Variants in ZFAND4 observed in about 807,000 individuals in gnomAD.
ZFAND4 encodes zinc finger AN1-type containing 4, also known as AN1-type zinc finger protein 4.
Under a neutral mutation model 64.4 loss-of-function variants are expected in ZFAND4, and 43 were observed. The observed-to-expected ratio is 0.67, with a 90% CI of 0.52 to 0.86. The LOEUF (loss-of-function observed/expected upper bound fraction) is 0.86, where lower values mean the gene tolerates loss of function less well. Ranked by LOEUF, ZFAND4 falls within the 40% of genes least tolerant of loss-of-function variation. The probability of loss-of-function intolerance (pLI) is 0.00; values close to 1 mark genes in which losing one functional copy is unlikely to be tolerated. For synonymous variants in ZFAND4, 296 were observed against 305.7 expected (o/e 0.97, Z 0.33); for missense variants, 929 against 859.8 (o/e 1.08, Z -1.01).
chr10:45,624,663 T>C lies in ZFAND4; in HGVS notation c.1873-26A>G, dbSNP rs1341758112. On this transcript the variant is annotated intron_variant, in intron 7 of 9. Coordinates refer to ENST00000344646, the MANE Select transcript of ZFAND4 (RefSeq NM_174890.4). Reference sequence around the variant, plus strand: ...CTACAATTAAAACACAAAACATCTATAGAGGTGAGTCAATGAAGAATAGAA... The same window carrying C: ...CTACAATTAAAACACAAAACATCTACAGAGGTGAGTCAATGAAGAATAGAA... The C allele has an allele frequency of 3.8e-6, 6 of 1,584,220 alleles. No individual in the cohort carries two copies. The South Asian group carries it at 5.6e-5, about 15-fold the overall frequency.
chr10:45,620,823 A>C (rs763620433), intron 8 of ZFAND4: 1 of 152,240 alleles, frequency 6.6e-6, no homozygotes, highest in African/African-American at 2.4e-5. Context: ...AATCTCTTCT[A>C]AAGTAAACTC....
intron 2 of ZFAND4, among the ~76,000 whole-genome samples, chr10:45,655,917 C>T (rs1298334373): frequency 2.0e-5 from 3 of 152,174 alleles, no homozygotes; most frequent in Non-Finnish European, 4.4e-5. Flanking sequence ...GATTCACAGA[C>T]AAATTCTACC....
intron 2 of ZFAND4, among the ~76,000 whole-genome samples, chr10:45,653,565 A>T (rs990631404): frequency 2.0e-5 from 3 of 152,238 alleles, no homozygotes; most frequent in Non-Finnish European, 4.4e-5. Context: ...AAATATATTT[A>T]AAAAGCTCAA....
intron 6 of ZFAND4, among the ~76,000 whole-genome samples, chr10:45,631,910 CAAAT>C (rs2046249968): frequency 6.6e-6 from 1 of 151,858 alleles, no homozygotes; most frequent in Non-Finnish European, 1.5e-5. Context: ...ATGGTAAAAA[CAAAT>C]AAAAATGTTA....
At chr10:45,662,173 C>T (rs2048524652) in intron 2 of ZFAND4, among the ~76,000 whole-genome samples, 1 of 152,154 alleles carries the variant, frequency 6.6e-6, no homozygotes, top group Non-Finnish European at 1.5e-5. Flanking sequence ...TATTTAATTT[C>T]CTAATATCTG....
At chr10:45,630,589 G>A (rs577617732) in intron 6 of ZFAND4, among the ~76,000 whole-genome samples, 6 of 152,036 alleles carry the variant, frequency 3.9e-5, no homozygotes, top group South Asian at 2.1e-4. Context: ...TTAGCCGGGC[G>A]TGGTGGCAGG....
At chr10:45,657,183 T>A (rs754777706) in intron 2 of ZFAND4, among the ~76,000 whole-genome samples, 1 of 151,850 alleles carries the variant, frequency 6.6e-6, no homozygotes, top group African/African-American at 2.4e-5. Context: ...CCAGAAAAAA[T>A]TTTTGTATTT....
Position 45,656,211 on chromosome 10 carries a change from G to A in ZFAND4, c.185-3152C>T, listed in dbSNP as rs546985738. 1.2e-3 allele frequency among the ~76,000 whole-genome samples: 187 copies of A among 150,482 alleles called. 2 individuals carry two copies. Among genetic ancestry groups the A allele is most frequent in the Non-Finnish European group, 1.7e-3 (113 of 67,744 alleles). On this transcript the variant is annotated intron_variant, in intron 2 of 9. Coordinates refer to ENST00000344646, the MANE Select transcript of ZFAND4 (RefSeq NM_174890.4). ...GCACCACTGCACTCCAGCCTTGACA[G>A]AGCAAGACTCCGTTTCTAAAAAGAA...
chr10:45,625,504 A>T (rs1352360582), intron 7 of ZFAND4, among the ~76,000 whole-genome samples: 1 of 150,738 alleles, frequency 6.6e-6, no homozygotes, highest in Non-Finnish European at 1.5e-5. Context: ...AGGGAGAGAG[A>T]GAGTGAAATT....
intron 5 of ZFAND4, chr10:45,640,537 C>T (rs940189118): frequency 4.1e-6 from 3 of 730,132 alleles, no homozygotes; most frequent in Non-Finnish European, 5.5e-6. Flanking sequence ...TGTCGCCAGG[C>T]TGGAGTGCAA....
intron 6 of ZFAND4, among the ~76,000 whole-genome samples, chr10:45,638,145 C>T (rs1320432719): frequency 6.6e-6 from 1 of 151,976 alleles, no homozygotes; most frequent in Non-Finnish European, 1.5e-5. Flanking sequence ...GTGGCATAAA[C>T]TAGAACTCTC....
chr10:45,621,524 C>T (rs1346201473), intron 8 of ZFAND4, among the ~76,000 whole-genome samples: 3 of 151,708 alleles, frequency 2.0e-5, no homozygotes, highest in Non-Finnish European at 1.5e-5. Flanking sequence ...GGGCGGATCC[C>T]GACGTCAGGA....
chr10:45,652,862 C>G, intron 3 of ZFAND4, 122 bp downstream of exon 3: 1 of 684,236 alleles, frequency 1.5e-6, no homozygotes, highest in Non-Finnish European at 2.4e-6. Flanking sequence ...ATAATGAAAT[C>G]TAGGAATGTG....
chr10:45,633,762 A>G (rs1209958754), intron 6 of ZFAND4, among the ~76,000 whole-genome samples: 1 of 152,216 alleles, frequency 6.6e-6, no homozygotes, highest in Non-Finnish European at 1.5e-5. Flanking sequence ...AAATGTTCAA[A>G]TTCCATCTAA....
intron 1 of ZFAND4, among the ~76,000 whole-genome samples, chr10:45,671,850 G>A (rs1326921210): frequency 6.6e-6 from 1 of 151,158 alleles, no homozygotes; most frequent in Non-Finnish European, 1.5e-5. Flanking sequence ...AATTCCCAAA[G>A]CATTTCTCTC....
chr10:45,644,192 T>C (rs927305696), intron 5 of ZFAND4, among the ~76,000 whole-genome samples: 2 of 152,162 alleles, frequency 1.3e-5, no homozygotes, highest in African/African-American at 4.8e-5. Context: ...CTGTGACTTT[T>C]TTTATTACTA....
At chr10:45,648,168 T>G in intron 5 of ZFAND4, 126 bp downstream of exon 5, 1 of 942,418 alleles carries the variant, frequency 1.1e-6, no homozygotes, top group Non-Finnish European at 1.5e-6. Flanking sequence ...TTTTATCATA[T>G]CAATTATACG....
At position 45,652,987 on chromosome 10, in the gene ZFAND4, T is replaced by A; in HGVS notation, c.257A>T (p.Tyr86Phe). 1 of 1,610,730 alleles carries A rather than the reference T, an allele frequency of 6.2e-7. No homozygotes were observed. The highest frequency in any genetic ancestry group is 8.5e-7 in the Non-Finnish European group (1 of 1,177,856). Residue 86 changes from tyrosine to phenylalanine, a missense_variant, in exon 3 of 10, where the codon TAC (tyrosine) becomes TTC (phenylalanine). By Grantham distance (22) the Tyr-to-Phe change is conservative. Transcript: ENST00000344646. ...GCCAATATGCAATTACACTCACTTG[T>A]AATCATTCAAGCAATAATCATTTTC... ...ELENDYCLNDYNISEGCTLKL... is the reference protein window; with the variant it reads ...ELENDYCLNDFNISEGCTLKL...
At chr10:45,623,281 G>A (rs1434104628) in intron 8 of ZFAND4, among the ~76,000 whole-genome samples, 1 of 152,180 alleles carries the variant, frequency 6.6e-6, no homozygotes, top group Non-Finnish European at 1.5e-5. Flanking sequence ...ATATTCTAAA[G>A]AATTGAAAGT....
Sources: allele counts gnomAD v4.1 joint callset (sites outside exome capture counted in the v4.1 genomes callset), GRCh38; gene constraint gnomAD v4.1.1; transcripts MANE v1.5; gene names NCBI Gene and HGNC (gene_info 2026-07-23, HGNC 2026-07-21).